The following FGF13 variants were observed in gnomAD, a reference collection of about 807,000 sequenced individuals.
FGF13 encodes the protein fibroblast growth factor homologous factor 2.
A neutral mutation model predicts 19.5 loss-of-function variants in FGF13; 2 were observed. The observed-to-expected ratio is 0.10, with a 90% CI of 0.04 to 0.32. FGF13 has a LOEUF of 0.32. Among genes scored for constraint, FGF13 ranks in the 10% least tolerant of loss-of-function variants. The pLI is 1.00. For synonymous variants in FGF13, 72 were observed against 76.9 expected, an observed-to-expected ratio of 0.94 and a Z score of 0.33; for missense variants, 113 against 192.7, an observed-to-expected ratio of 0.59 and a Z score of 2.45.
chrX:138,800,536 C>T (rs556634685), intron 3 of FGF13, among the ~76,000 whole-genome samples: 5 of 111,153 alleles, frequency 4.5e-5, no homozygotes, highest in East Asian at 5.7e-4. Flanking sequence ...CTTGGAGAAA[C>T]GGACGATTAT....
At chrX:138,826,148 G>GATCATTAC (rs1053858687) in intron 3 of FGF13, among the ~76,000 whole-genome samples, 2 of 111,942 alleles carry the variant, frequency 1.8e-5, no homozygotes, top group Non-Finnish European at 3.8e-5. Flanking sequence ...CTTTCTAGAA[G>GATCATTAC]ATCATTACAT....
At chrX:138,971,632 G>A (rs1480169440) in intron 1 of FGF13, among the ~76,000 whole-genome samples, 1 of 111,369 alleles carries the variant, frequency 9.0e-6, no homozygotes, top group Non-Finnish European at 1.9e-5. Flanking sequence ...TGGGTACAGT[G>A]TGATGCTTTG....
chrX:138,655,941 G>A (rs7890716), intron 3 of FGF13, among the ~76,000 whole-genome samples: 1,635 of 111,230 alleles, frequency 0.015, 22 homozygotes, highest in African/African-American at 0.05. Flanking sequence ...TGTGATACTA[G>A]GATACTTTTC....
chrX:139,099,277 C>T (rs2124455645), intron 1 of FGF13, among the ~76,000 whole-genome samples: 1 of 105,945 alleles, frequency 9.4e-6, no homozygotes, highest in South Asian at 4.3e-4. Context: ...CTTACTTAAA[C>T]TATCTATTAA....
At chrX:138,695,528 A>T (rs1168054012) in intron 3 of FGF13, among the ~76,000 whole-genome samples, 3 of 111,936 alleles carry the variant, frequency 2.7e-5, no homozygotes, top group Non-Finnish European at 5.6e-5. Flanking sequence ...TATTCTTAGG[A>T]AATAGGTGTA....
intron 1 of FGF13, among the ~76,000 whole-genome samples, chrX:139,176,833 T>TTTA (rs2084190205): frequency 9.0e-6 from 1 of 111,661 alleles, no homozygotes; most frequent in South Asian, 3.8e-4. Context: ...CTTCCAATTA[T>TTTA]GTGATCGATT....
At chrX:139,049,257 G>A (rs1258580234) in intron 1 of FGF13, among the ~76,000 whole-genome samples, 2 of 110,461 alleles carry the variant, frequency 1.8e-5, no homozygotes, top group African/African-American at 3.3e-5. Flanking sequence ...TGGTTAATGG[G>A]TACAAACATA....
chrX:138,981,318 T>TACACACACACACACACAC (rs57954256), intron 1 of FGF13, among the ~76,000 whole-genome samples: 1 of 97,000 alleles, frequency 1.0e-5, no homozygotes, highest in African/African-American at 3.9e-5. Context: ...ATTGTGTGCT[T>TACACACACACACACACAC]ACACACACAC....
chrX:139,041,533 C>G (rs2092270098), intron 1 of FGF13, among the ~76,000 whole-genome samples: 1 of 111,507 alleles, frequency 9.0e-6, no homozygotes, highest in Non-Finnish European at 1.9e-5. Flanking sequence ...AAATTATATT[C>G]TAGATGAATT....
In FGF13 at chrX:138,615,604, G is replaced by A. The variant is rs191252296; in HGVS notation, c.*17246C>T. 1.8e-5 allele frequency: 2 copies of A among 110,984 alleles called. No homozygotes were observed. Among genetic ancestry groups the A allele is most frequent in the East Asian group, 5.7e-4 (2 of 3,493 alleles). The allele number at this position is 110,984 out of a possible 1,213,427, so 9.1% of individuals were successfully genotyped here. ...AATTGTTTCAGATGTATTATTTTCT[G>A]GTACCATAGATAAAGAATAAGGATA... On this transcript the variant is annotated 3_prime_UTR_variant, in exon 5 of 5. Transcript: ENST00000315930.
chrX:138,799,684 T>C (rs2090812255), intron 3 of FGF13, among the ~76,000 whole-genome samples: 1 of 111,108 alleles, frequency 9.0e-6, no homozygotes, highest in Non-Finnish European at 1.9e-5. Flanking sequence ...ACTAATATTG[T>C]GTGGGAGTCT....
chrX:138,890,730 A>C (rs2091472681), intron 1 of FGF13, among the ~76,000 whole-genome samples: 1 of 111,850 alleles, frequency 8.9e-6, no homozygotes, highest in African/African-American at 3.3e-5. Flanking sequence ...ACTAAGATAC[A>C]CTATGCTAGC....
At position 138,910,769 on chromosome X, in the gene FGF13, TACATGACAG is replaced by T. The variant is rs751357931; in HGVS notation, c.-112-46128_-112-46120del. Among the ~76,000 whole-genome samples the T allele has an allele frequency of 7.1e-5, 8 of 112,424 alleles. No homozygotes were observed. The South Asian group carries it at 3.0e-3, about 42-fold the overall frequency. On this transcript the variant is annotated intron_variant, in intron 1 of 2. Coordinates refer to the FGF13 transcript ENST00000421460. ...TTTATAATATACCAACTGTATCAGC[TACATGACAG>T]ACATTATATTTAATGATTAAATAAT...
intron 3 of FGF13, among the ~76,000 whole-genome samples, chrX:138,649,780 A>C (rs17001774): frequency 0.045 from 5,112 of 112,376 alleles, 252 homozygotes; most frequent in African/African-American, 0.15. Flanking sequence ...GGTTCCAGAA[A>C]GAAAGTGGTT....
chrX:138,999,921 G>A (rs373421718), intron 1 of FGF13, among the ~76,000 whole-genome samples: 2 of 111,766 alleles, frequency 1.8e-5, no homozygotes, highest in Admixed American at 9.5e-5. Context: ...GATGAACATC[G>A]ATGCAAAATT....
chrX:138,978,364 G>A (rs1452818859), intron 1 of FGF13, among the ~76,000 whole-genome samples: 2 of 102,212 alleles, frequency 2.0e-5, no homozygotes, highest in Non-Finnish European at 3.9e-5. Context: ...CCGGGTTCAC[G>A]CCATTCTCCT....
chrX:138,818,600 G>A (rs2090978041), intron 3 of FGF13, among the ~76,000 whole-genome samples: 1 of 104,353 alleles, frequency 9.6e-6, no homozygotes, highest in African/African-American at 3.8e-5. Flanking sequence ...TCATTTTACA[G>A]ATGAGAATTA....
intron 1 of FGF13, among the ~76,000 whole-genome samples, chrX:138,944,122 G>A (rs770606541): frequency 9.0e-6 from 1 of 111,287 alleles, no homozygotes; most frequent in East Asian, 2.9e-4. Flanking sequence ...TGAAAATTGG[G>A]TGTGTAGAGA....
At chrX:139,104,745 G>C (rs142903537) in intron 1 of FGF13, among the ~76,000 whole-genome samples, 88 of 111,005 alleles carry the variant, frequency 7.9e-4, no homozygotes, top group Non-Finnish European at 9.4e-4. Flanking sequence ...TCACATGAAG[G>C]AAAGGCAGGG....
Sources: gnomAD v4.1 joint callset for allele counts (sites outside exome capture counted in the v4.1 genomes callset) on GRCh38, gnomAD v4.1.1 for gene constraint, MANE v1.5 for transcripts, NCBI Gene and HGNC (gene_info 2026-07-23, HGNC 2026-07-21) for gene names.